Variants in TPD52L1 observed in about 807,000 individuals in gnomAD.
TPD52L1 encodes the protein TPD52 like 1.
In TPD52L1, 18 loss-of-function variants were observed where a neutral mutation model predicts 28.7. That is an observed-to-expected ratio of 0.63 (90% CI 0.43 to 0.93). The LOEUF is 0.93. Ranked by LOEUF, TPD52L1 falls within the 40% of genes least tolerant of loss-of-function variation. The probability of loss-of-function intolerance (pLI) is 0.00; values close to 1 mark genes in which losing one functional copy is unlikely to be tolerated. For missense variants in TPD52L1, 203 were observed against 254.8 expected (o/e 0.80, Z 1.39); for synonymous variants, 75 against 88.8 (o/e 0.84, Z 0.88).
chr6:125,222,901 AAAC>A (rs1365312344), intron 2 of TPD52L1, among the ~76,000 whole-genome samples: 7 of 152,134 alleles, frequency 4.6e-5, no homozygotes, highest in Non-Finnish European at 1.0e-4. Flanking sequence ...AAGAAAAAGA[AAAC>A]AAACTGTAAC....
intron 6 of TPD52L1, among the ~76,000 whole-genome samples, chr6:125,259,214 A>G (rs1263713620): frequency 6.6e-6 from 1 of 152,224 alleles, no homozygotes; most frequent in Non-Finnish European, 1.5e-5. Context: ...TTCCATTCAC[A>G]TGCCCTGCTT....
At chr6:125,196,912 T>A (rs1170422468) in intron 1 of TPD52L1, among the ~76,000 whole-genome samples, 1 of 152,170 alleles carries the variant, frequency 6.6e-6, no homozygotes, top group Non-Finnish European at 1.5e-5. Flanking sequence ...GTCATATTCC[T>A]AGATCATTAG....
chr6:125,211,762 C>A (rs1467415532), intron 1 of TPD52L1, among the ~76,000 whole-genome samples: 1 of 152,210 alleles, frequency 6.6e-6, no homozygotes, highest in Non-Finnish European at 1.5e-5. Context: ...TCTGCCAAAA[C>A]TTCACGGCAA....
intron 1 of TPD52L1, among the ~76,000 whole-genome samples, chr6:125,186,114 G>A (rs561107095): frequency 1.2e-4 from 19 of 152,036 alleles, no homozygotes; most frequent in East Asian, 3.9e-4. Context: ...GGCTGGTCTC[G>A]AACTCCTGAT....
At chr6:125,239,751 T>C (rs991063599) in intron 3 of TPD52L1, among the ~76,000 whole-genome samples, 1 of 152,228 alleles carries the variant, frequency 6.6e-6, no homozygotes, top group Non-Finnish European at 1.5e-5. Context: ...GTTTGTCAGA[T>C]GCATAGTTTG....
At chr6:125,238,505 C>A (rs918938883) in intron 3 of TPD52L1, among the ~76,000 whole-genome samples, 4 of 151,842 alleles carry the variant, frequency 2.6e-5, no homozygotes, top group Non-Finnish European at 5.9e-5. Context: ...CCCTCACCCC[C>A]CTCGAACCCT....
At chr6:125,163,036 A>C (rs974553133) in intron 1 of TPD52L1, among the ~76,000 whole-genome samples, 3 of 152,214 alleles carry the variant, frequency 2.0e-5, no homozygotes, top group Non-Finnish European at 4.4e-5. Context: ...CTGTGCCTTA[A>C]TGTGTGCTGT....
intron 2 of TPD52L1, among the ~76,000 whole-genome samples, chr6:125,224,954 G>A (rs1466015241): frequency 6.6e-6 from 1 of 152,126 alleles, no homozygotes; most frequent in African/African-American, 2.4e-5. Flanking sequence ...GTTGTGTTGT[G>A]TAACCACCAC....
chr6:125,242,242 G>A (rs1796656920), intron 3 of TPD52L1, among the ~76,000 whole-genome samples: 1 of 152,122 alleles, frequency 6.6e-6, no homozygotes, highest in East Asian at 1.9e-4. Flanking sequence ...TGTTTCATGT[G>A]CTGATGAAAA....
At chr6:125,205,252 G>A (rs1794047170) in intron 1 of TPD52L1, among the ~76,000 whole-genome samples, 1 of 152,166 alleles carries the variant, frequency 6.6e-6, no homozygotes, top group Admixed American at 6.5e-5. Context: ...TCTCAAATAT[G>A]CAGCAAACTT....
intron 3 of TPD52L1, among the ~76,000 whole-genome samples, chr6:125,235,102 A>G (rs1049721388): frequency 3.5e-5 from 1 of 28,696 alleles, no homozygotes; most frequent in Non-Finnish European, 5.2e-5. Context: ...TACAAATAAC[A>G]ATAATAATAA....
intron 2 of TPD52L1, among the ~76,000 whole-genome samples, chr6:125,223,720 AAAAAAAAAAAAGG>A (rs1795410308): frequency 7.3e-6 from 1 of 137,014 alleles, no homozygotes; most frequent in African/African-American, 3.1e-5. Flanking sequence ...AAAAAAAAAA[AAAAAAAAAAAAGG>A]AATCTCTTTT....
chr6:125,213,865 G>A (rs544349241), intron 1 of TPD52L1, among the ~76,000 whole-genome samples: 1 of 152,174 alleles, frequency 6.6e-6, no homozygotes, highest in Admixed American at 6.5e-5. Context: ...AGATGTAAAT[G>A]GGTGGCATGC....
intron 1 of TPD52L1, chr6:125,154,187 G>T: frequency 1.5e-6 from 2 of 1,365,636 alleles, no homozygotes; most frequent in Non-Finnish European, 9.4e-7. Context: ...GGATCCGTAA[G>T]TGGAGAGGCC....
intron 1 of TPD52L1, among the ~76,000 whole-genome samples, chr6:125,197,227 C>G (rs1463024382): frequency 6.6e-6 from 1 of 152,180 alleles, no homozygotes; most frequent in Non-Finnish European, 1.5e-5. Flanking sequence ...TGTCCCTTTT[C>G]CAGATGAAAA....
At chr6:125,257,511 A>G (rs1797677176) in intron 6 of TPD52L1, among the ~76,000 whole-genome samples, 1 of 152,202 alleles carries the variant, frequency 6.6e-6, no homozygotes, top group African/African-American at 2.4e-5. Context: ...TGAAAGTTCA[A>G]TAACAGCTCA....
At chr6:125,242,124 T>C (rs895453246) in intron 3 of TPD52L1, among the ~76,000 whole-genome samples, 1 of 152,076 alleles carries the variant, frequency 6.6e-6, no homozygotes, top group Non-Finnish European at 1.5e-5. Flanking sequence ...TATATATTTG[T>C]ATAGTTTTGA....
intron 1 of TPD52L1, among the ~76,000 whole-genome samples, chr6:125,180,645 A>G (rs944004834): frequency 6.6e-6 from 1 of 152,132 alleles, no homozygotes; most frequent in South Asian, 2.1e-4. Context: ...TTGATAGAGG[A>G]CGTAAAGGAG....
At chr6:125,193,053 G>A (rs1793164605) in intron 1 of TPD52L1, among the ~76,000 whole-genome samples, 1 of 152,184 alleles carries the variant, frequency 6.6e-6, no homozygotes, top group Non-Finnish European at 1.5e-5. Flanking sequence ...ATTTGAGATA[G>A]TTACTATTAT....
Sources: allele counts gnomAD v4.1 joint callset (sites outside exome capture counted in the v4.1 genomes callset), GRCh38; gene constraint gnomAD v4.1.1; transcripts MANE v1.5; gene names NCBI Gene and HGNC (gene_info 2026-07-23, HGNC 2026-07-21).